Variants in CPPED1 observed in about 807,000 individuals in gnomAD.
The protein encoded by CPPED1 is calcineurin like phosphoesterase domain containing 1.
CPPED1 carries 28 observed loss-of-function variants against 28.0 expected under a neutral mutation model. The observed-to-expected ratio is 1.00, with a 90% CI of 0.74 to 1.37. The LOEUF (loss-of-function observed/expected upper bound fraction) is 1.37. CPPED1 is among the 40% of genes most tolerant of loss of function. The pLI is 0.00. For synonymous variants in CPPED1, 198 were observed against 180.2 expected, an observed-to-expected ratio of 1.10 and a Z score of -0.79; for missense variants, 504 against 416.5, an observed-to-expected ratio of 1.21 and a Z score of -1.83.
Position 12,737,773 on chromosome 16 carries a change from G to C in CPPED1, c.290-32724C>G, listed in dbSNP as rs557238524. 2.3e-3 allele frequency among the ~76,000 whole-genome samples: 358 copies of C among 152,354 alleles called. 1 individual carries two copies. Among genetic ancestry groups the C allele is most frequent in the African/African-American group, 8.2e-3 (340 of 41,580 alleles). ...CAGCAAAAGGGCTCTGAGGTCGCCAGAGTGGCTGCCAGATAAGGAACAGTG... is the reference window on the plus strand; with the variant it reads ...CAGCAAAAGGGCTCTGAGGTCGCCACAGTGGCTGCCAGATAAGGAACAGTG... On this transcript the variant is annotated intron_variant, in intron 2 of 3. Coordinates refer to ENST00000381774, the MANE Select transcript of CPPED1 (RefSeq NM_018340.3).
In CPPED1 at chr16:12,781,191, T is replaced by G. The variant is rs760476149; in HGVS notation, c.283A>C (p.Met95Leu). Residue 95 changes from methionine to leucine, a missense_variant, in exon 2 of 4, where the codon ATG (methionine) becomes CTG (leucine). Physicochemically the swap from Met to Leu is conservative, Grantham distance 15 (BLOSUM62 2). Transcript: ENST00000381774. The stretch of plus-strand genomic sequence containing the variant: ...GCGATGACCCGAGTCTTACCTGGCA[T>G]GGCGTGGATGAGGTCGCCGCACAGA... ...FVLCGDLIHAMPGKPWRTEQT... is the reference protein window; with the variant it reads ...FVLCGDLIHALPGKPWRTEQT... 6.2e-7 allele frequency: 1 copy of G among 1,612,440 alleles called. No homozygotes were observed. The highest frequency in any genetic ancestry group is 1.7e-5 in the Admixed American group (1 of 59,712).
At chr16:12,770,753 C>G (rs2080465263) in intron 2 of CPPED1, among the ~76,000 whole-genome samples, 1 of 151,748 alleles carries the variant, frequency 6.6e-6, no homozygotes, top group South Asian at 2.1e-4. Flanking sequence ...ACCCGGGAGG[C>G]AGAGGTTGCA....
intron 3 of CPPED1, among the ~76,000 whole-genome samples, chr16:12,678,701 T>C (rs1440377724): frequency 6.6e-6 from 1 of 152,238 alleles, no homozygotes; most frequent in Non-Finnish European, 1.5e-5. Flanking sequence ...TTGCTGATAG[T>C]ATATAAAAAT....
At chr16:12,771,132 C>A (rs1258287413) in intron 2 of CPPED1, among the ~76,000 whole-genome samples, 1 of 152,130 alleles carries the variant, frequency 6.6e-6, no homozygotes, top group African/African-American at 2.4e-5. Flanking sequence ...ATGACAACAA[C>A]AAAAAACACG....
At chr16:12,715,869 C>T (rs374883496) in intron 2 of CPPED1, among the ~76,000 whole-genome samples, 152 of 152,248 alleles carry the variant, frequency 1.0e-3, no homozygotes, top group African/African-American at 3.4e-3. Context: ...ACCTGCAGCC[C>T]GTATGCAGCC....
intron 3 of CPPED1, among the ~76,000 whole-genome samples, chr16:12,695,002 T>C (rs992739697): frequency 6.6e-6 from 1 of 152,114 alleles, no homozygotes; most frequent in African/African-American, 2.4e-5. Flanking sequence ...GGTCTTGAAC[T>C]CCTGACCTCA....
intron 2 of CPPED1, among the ~76,000 whole-genome samples, chr16:12,712,298 A>G (rs918657078): frequency 6.6e-6 from 1 of 152,220 alleles, no homozygotes; most frequent in African/African-American, 2.4e-5. Flanking sequence ...GGAATAGTCA[A>G]GCCAGGGCAT....
chr16:12,736,781 T>C (rs541391516), intron 2 of CPPED1, among the ~76,000 whole-genome samples: 2 of 152,336 alleles, frequency 1.3e-5, no homozygotes, highest in African/African-American at 2.4e-5. Flanking sequence ...TGGAGAAAGA[T>C]GGATGATCAG....
At chr16:12,694,770 T>A (rs1341300431) in intron 3 of CPPED1, among the ~76,000 whole-genome samples, 4 of 145,924 alleles carry the variant, frequency 2.7e-5, no homozygotes, top group African/African-American at 5.3e-5. Flanking sequence ...GATAGTTTTT[T>A]AAAAACCCCC....
chr16:12,692,232 C>G (rs1010926002), intron 3 of CPPED1, among the ~76,000 whole-genome samples: 61 of 152,264 alleles, frequency 4.0e-4, no homozygotes, highest in African/African-American at 1.4e-3. Context: ...ACTGGTGGCA[C>G]TTCACAGAGC....
chr16:12,744,801 T>C (rs1374763449), intron 2 of CPPED1, among the ~76,000 whole-genome samples: 1 of 152,114 alleles, frequency 6.6e-6, no homozygotes, highest in Admixed American at 6.6e-5. Context: ...CTGGGCAACA[T>C]GGCAAAACAC....
chr16:12,663,032 C>T lies in CPPED1; in HGVS notation c.*1854G>A, dbSNP rs1364260762. On this transcript the variant is annotated 3_prime_UTR_variant, in exon 4 of 4. Transcript: ENST00000381774. The stretch of plus-strand genomic sequence containing the variant: ...TCTGTTTATGATCCAAGTGTCACCA[C>T]ATCTCAAGTCTCAATGTGTGTGTGT... The T allele has an allele frequency of 6.6e-6, 1 of 150,976 alleles. No individual in the cohort carries two copies. Among genetic ancestry groups the T allele is most frequent in the Non-Finnish European group, 1.5e-5 (1 of 68,028 alleles). The allele number at this position is 150,976 out of a possible 1,614,324, so 9.4% of individuals were successfully genotyped here.
chr16:12,753,011 T>C (rs936045289), intron 2 of CPPED1: 1 of 152,006 alleles, frequency 6.6e-6, no homozygotes, highest in Non-Finnish European at 1.5e-5. Context: ...TGAAGACCGA[T>C]AGCAAAATGA....
chr16:12,752,617 T>C (rs1348876760), intron 2 of CPPED1, among the ~76,000 whole-genome samples: 2 of 147,472 alleles, frequency 1.4e-5, no homozygotes, highest in East Asian at 3.9e-4. Flanking sequence ...ATATAGTATA[T>C]ATATTTATAT....
At chr16:12,775,086 C>T (rs1567303396) in intron 2 of CPPED1, among the ~76,000 whole-genome samples, 1 of 152,108 alleles carries the variant, frequency 6.6e-6, no homozygotes, top group Non-Finnish European at 1.5e-5. Context: ...TCCCAAAGTG[C>T]TGGGATTATA....
intron 2 of CPPED1, among the ~76,000 whole-genome samples, chr16:12,715,422 G>A (rs528910979): frequency 5.9e-5 from 9 of 152,268 alleles, no homozygotes; most frequent in Admixed American, 2.6e-4. Flanking sequence ...CACTCTGGGA[G>A]GCTGAGGTGG....
chr16:12,736,816 G>A (rs1320703410), intron 2 of CPPED1, among the ~76,000 whole-genome samples: 1 of 152,178 alleles, frequency 6.6e-6, no homozygotes, highest in African/African-American at 2.4e-5. Flanking sequence ...AAAGCAGGCA[G>A]TATATTAGAT....
chr16:12,768,132 A>G (rs557754857), intron 2 of CPPED1, among the ~76,000 whole-genome samples: 11 of 152,310 alleles, frequency 7.2e-5, no homozygotes, highest in African/African-American at 2.6e-4. Flanking sequence ...TGAACCTTCA[A>G]CTGAATTCTA....
chr16:12,668,403 G>C (rs2079836918), intron 3 of CPPED1, among the ~76,000 whole-genome samples: 2 of 152,088 alleles, frequency 1.3e-5, no homozygotes, highest in South Asian at 4.1e-4. Flanking sequence ...TTGGAAGGGA[G>C]ATAAAAATAC....
Sources: gnomAD v4.1 joint callset for allele counts (sites outside exome capture counted in the v4.1 genomes callset) on GRCh38, gnomAD v4.1.1 for gene constraint, MANE v1.5 for transcripts, NCBI Gene and HGNC (gene_info 2026-07-23, HGNC 2026-07-21) for gene names.